The following WNK1 variants were observed in gnomAD, a reference collection of about 807,000 sequenced individuals.
The protein encoded by WNK1 is WNK lysine deficient protein kinase 1.
A neutral mutation model predicts 222.8 loss-of-function variants in WNK1; 38 were observed. The ratio of observed to expected loss-of-function variants is 0.17; its 90% CI spans 0.13 to 0.22. The LOEUF is 0.22. WNK1 is among the 10% of genes least tolerant of loss of function. WNK1 has a pLI of 1.00. For missense variants in WNK1, 2,348 were observed against 2,918.4 expected, an observed-to-expected ratio of 0.80 and a Z score of 4.50; for synonymous variants, 1,090 against 1,092.9, an observed-to-expected ratio of 1.00 and a Z score of 0.05.
At chr12:849,170 G>T (rs2154053467) in intron 4 of WNK1, among the ~76,000 whole-genome samples, 1 of 152,312 alleles carries the variant, frequency 6.6e-6, no homozygotes, top group South Asian at 2.1e-4. Flanking sequence ...TTGAGCCAGA[G>T]ATTAGTGGTA....
intron 1 of WNK1, among the ~76,000 whole-genome samples, chr12:790,731 G>A (rs1944755929): frequency 6.6e-6 from 1 of 152,084 alleles, no homozygotes; most frequent in Non-Finnish European, 1.5e-5. Flanking sequence ...ATATCTTAGT[G>A]TTACTATGAG....
Position 880,010 on chromosome 12 carries a change from C to T in WNK1, c.2811C>T (p.Ser937=). The change falls in exon 11 of 28, where the codon TCC becomes TCT. Residue 937 remains serine, a synonymous_variant. Transcript: ENST00000315939. ...NLGQAAEVPL[S]SGDVLYQGFP... The stretch of plus-strand genomic sequence containing the variant: ...GACAAGCTGCTGAGGTTCCACTTTC[C>T]TCTGGAGATGTTCTGTACCAGGTAT... 6.2e-7 allele frequency: 1 copy of T among 1,614,176 alleles called. No homozygotes were observed. The highest frequency in any genetic ancestry group is 8.5e-7 in the Non-Finnish European group (1 of 1,180,030).
At chr12:785,522 C>T (rs557234363) in intron 1 of WNK1, among the ~76,000 whole-genome samples, 17 of 151,840 alleles carry the variant, frequency 1.1e-4, no homozygotes, top group Non-Finnish European at 1.2e-4. Context: ...CTCAGCCTCC[C>T]GAGTAGCTGG....
intron 10 of WNK1, among the ~76,000 whole-genome samples, chr12:878,703 T>C (rs557809197): frequency 6.6e-6 from 1 of 152,126 alleles, no homozygotes; most frequent in East Asian, 1.9e-4. Flanking sequence ...TCCCTAGAAT[T>C]GTGTCAGCTA....
At chr12:816,266 ATCTTT>A (rs1279252332) in intron 2 of WNK1, among the ~76,000 whole-genome samples, 3 of 151,990 alleles carry the variant, frequency 2.0e-5, no homozygotes, top group African/African-American at 7.2e-5. Flanking sequence ...CTGTAAACTA[ATCTTT>A]TCTTTTTCTT....
chr12:883,599 G>A, intron 16 of WNK1, 31 bp downstream of exon 16: 1 of 1,613,868 alleles, frequency 6.2e-7, no homozygotes, highest in Admixed American at 1.7e-5. Flanking sequence ...GTGAAACTTT[G>A]TTGATTTAAA....
At chr12:811,905 A>G (rs1254195808) in intron 1 of WNK1, among the ~76,000 whole-genome samples, 2 of 152,348 alleles carry the variant, frequency 1.3e-5, no homozygotes, top group Middle Eastern at 3.4e-3. Flanking sequence ...CAGAAAGGAT[A>G]AAAACACTTA....
chr12:754,364 C>G, intron 1 of WNK1, 40 bp downstream of exon 1: 1 of 1,612,596 alleles, frequency 6.2e-7, no homozygotes, highest in Non-Finnish European at 8.5e-7. Context: ...CCTTTGGATC[C>G]CAAATTTGGC....
In WNK1 at chr12:832,071, T is replaced by A. The variant is rs189305765; in HGVS notation, c.1311+1911T>A. ...AGAATGGAAATGTTTATTTTTAATT[T>A]TTTATTTATTTATTTATTTTTTGAG... On this transcript the variant is annotated intron_variant, in intron 4 of 27. Coordinates refer to ENST00000315939, the MANE Select transcript of WNK1 (RefSeq NM_018979.4). Among the ~76,000 whole-genome samples, 1,382 of 152,166 alleles carry A rather than the reference T, an allele frequency of 9.1e-3. 18 individuals carry two copies. Among genetic ancestry groups the A allele is most frequent in the African/African-American group, 0.025 (1,055 of 41,530 alleles).
chr12:885,758 A>C lies in WNK1; in HGVS notation c.4954A>C (p.Ile1652Leu), dbSNP rs1953590666. The C allele has an allele frequency of 1.9e-6, 3 of 1,614,122 alleles. No individual in the cohort carries two copies. Among genetic ancestry groups the C allele is most frequent in the Admixed American group, 1.7e-5 (1 of 60,018 alleles). The stretch of plus-strand genomic sequence containing the variant: ...ACCCAAAGCTCCTGGAATTGATGAC[A>C]TAAAGACTCTAGAAGAAAAGCTGCG... ...TQPKAPGIDD[I>L]KTLEEKLRSL... The change falls in exon 19 of 28, where the codon ATA (isoleucine) becomes CTA (leucine). Residue 1652 changes from isoleucine (I) to leucine (L), a missense_variant. Ile to Leu is a conservative substitution (Grantham distance 5). This residue lies in a region of WNK1 where 1,144 missense variants were observed against 1,273.6 expected (regional missense o/e 0.90). Coordinates refer to ENST00000315939, the MANE Select transcript of WNK1 (RefSeq NM_018979.4).
In WNK1 at chr12:827,467, C is replaced by T. The variant is rs796400739; in HGVS notation, c.1153+205C>T. 6.3e-5 allele frequency: 37 copies of T among 591,046 alleles called. No homozygotes were observed. The highest frequency in any genetic ancestry group is 5.2e-4 in the African/African-American group (28 of 53,848). The allele number at this position is 591,046 out of a possible 1,614,324, so 36.6% of individuals were successfully genotyped here. ...ATCTTAGAGACTATTGGTAACATTA[C>T]GTTACAAGAAATAAAGTGAACTTTG... On this transcript the variant is annotated intron_variant, in intron 3 of 27. Transcript: ENST00000315939. This position sits in a 1 kb window ranked among gnomAD's most constrained non-coding sequence, Gnocchi z 4.6.
At chr12:787,025 T>C (rs769821127) in intron 1 of WNK1, among the ~76,000 whole-genome samples, 1 of 152,230 alleles carries the variant, frequency 6.6e-6, no homozygotes, top group African/African-American at 2.4e-5. Flanking sequence ...AGATTTATTT[T>C]CTTTGCATTT....
At chr12:771,214 GT>G (rs1942448141) in intron 1 of WNK1, among the ~76,000 whole-genome samples, 1 of 151,680 alleles carries the variant, frequency 6.6e-6, no homozygotes, top group African/African-American at 2.4e-5. Context: ...AGCCAGGATG[GT>G]CTCCATCTCC....
At chr12:829,267 G>A (rs1306484823) in intron 3 of WNK1, among the ~76,000 whole-genome samples, 1 of 152,074 alleles carries the variant, frequency 6.6e-6, no homozygotes, top group Non-Finnish European at 1.5e-5. Flanking sequence ...TCTGTATTTG[G>A]GTTCTATATT....
chr12:774,746 G>T (rs1942914862), intron 1 of WNK1, among the ~76,000 whole-genome samples: 1 of 152,058 alleles, frequency 6.6e-6, no homozygotes. Flanking sequence ...TATCAATACT[G>T]TTAAATATTT....
intron 26 of WNK1, 175 bp from the exon 27 acceptor site, chr12:907,672 A>G: frequency 1.3e-6 from 1 of 796,448 alleles, no homozygotes; most frequent in Non-Finnish European, 2.1e-6. Flanking sequence ...TCATCACCCT[A>G]TTATACCAAA....
At chr12:842,975 G>A (rs927434025) in intron 4 of WNK1, among the ~76,000 whole-genome samples, 2 of 151,752 alleles carry the variant, frequency 1.3e-5, no homozygotes, top group Non-Finnish European at 2.9e-5. Context: ...TCTCGCTGTC[G>A]CCCAGGTTGG....
At chr12:810,519 T>C (rs1234458830) in intron 1 of WNK1, among the ~76,000 whole-genome samples, 1 of 152,190 alleles carries the variant, frequency 6.6e-6, no homozygotes, top group Non-Finnish European at 1.5e-5. Flanking sequence ...TTGTTAGCTG[T>C]AAAGTAAAAA....
At chr12:806,953 G>A (rs1209671326) in intron 1 of WNK1, among the ~76,000 whole-genome samples, 1 of 152,066 alleles carries the variant, frequency 6.6e-6, no homozygotes, top group Admixed American at 6.6e-5. Context: ...TCTGCTTTCA[G>A]GTTTTGTTTT....
Sources: allele counts gnomAD v4.1 joint callset (sites outside exome capture counted in the v4.1 genomes callset), GRCh38; gene constraint gnomAD v4.1.1; regional missense constraint gnomAD v4.1.1; non-coding constraint Gnocchi (gnomAD v3.1); transcripts MANE v1.5; gene names NCBI Gene and HGNC (gene_info 2026-07-23, HGNC 2026-07-21).